AKAP13: variants seen among roughly 807,000 people sequenced by gnomAD.
The protein encoded by AKAP13 is A-kinase anchoring protein 13, also known as A-kinase anchor protein 13.
In AKAP13, 80 loss-of-function variants were observed where a neutral mutation model predicts 264.5. The ratio of observed to expected loss-of-function variants is 0.30; its 90% CI spans 0.25 to 0.36. The LOEUF (loss-of-function observed/expected upper bound fraction) is 0.36. Ranked by LOEUF, AKAP13 falls within the 10% of genes least tolerant of loss-of-function variation. The pLI, the probability that AKAP13 is intolerant of heterozygous loss-of-function variation, is 1.00. For synonymous variants in AKAP13, 1,380 were observed against 1,250.2 expected, an observed-to-expected ratio of 1.10 and a Z score of -2.19; for missense variants, 3,712 against 3,435.2, an observed-to-expected ratio of 1.08 and a Z score of -2.01.
intron 2 of AKAP13, among the ~76,000 whole-genome samples, chr15:85,499,115 A>C (rs1249369208): frequency 6.6e-6 from 1 of 152,232 alleles, no homozygotes; most frequent in Non-Finnish European, 1.5e-5. Context: ...TTATTTCAGA[A>C]GGACAGATCT....
intron 4 of AKAP13, among the ~76,000 whole-genome samples, chr15:85,541,054 T>C (rs1391957951): frequency 6.6e-6 from 1 of 152,202 alleles, no homozygotes; most frequent in East Asian, 1.9e-4. Context: ...AACTGGAAAG[T>C]GGCACAAAAG....
At chr15:85,409,092 TTTTATGTGGTTA>T (rs1281805068) in intron 1 of AKAP13, among the ~76,000 whole-genome samples, 3 of 151,840 alleles carry the variant, frequency 2.0e-5, no homozygotes, top group African/African-American at 7.3e-5. Context: ...GTGAGCATCT[TTTTATGTGGTTA>T]TTGGCTATTT....
chr15:85,386,184 G>GT (rs1409653320), intron 1 of AKAP13, among the ~76,000 whole-genome samples: 1 of 151,716 alleles, frequency 6.6e-6, no homozygotes, highest in Non-Finnish European at 1.5e-5. Context: ...GATATCCAGT[G>GT]TTTTTTTGTT....
rs2076823375 is a variant in AKAP13, at chr15:85,521,573, C to T, written c.179C>T (p.Pro60Leu). 4 of 1,613,724 alleles carry T rather than the reference C, an allele frequency of 2.5e-6. No individual in the cohort carries two copies. Among genetic ancestry groups the T allele is most frequent in the African/African-American group, 1.3e-5 (1 of 75,032 alleles). Residue 60 changes from proline to leucine, a missense_variant and splice_region_variant, in exon 3 of 37, where the codon CCT (proline) becomes CTT (leucine). By Grantham distance (98) the Pro-to-Leu change is moderately conservative. This residue lies in a region of AKAP13 where 2,759 missense variants were observed against 2,411.7 expected (regional missense o/e 1.14). Transcript: ENST00000394518. ...TCTGATACATTGGAGACCATTGCTC[C>T]TGGTAAGTATTTGAATGGGATCCTT... ...VSSDTLETIA[P>L]GHDCCETVKV... is the part of the protein sequence containing the mutation.
At chr15:85,739,316 C>G (rs1471930269) in intron 33 of AKAP13, among the ~76,000 whole-genome samples, 1 of 151,996 alleles carries the variant, frequency 6.6e-6, no homozygotes, top group Non-Finnish European at 1.5e-5. Context: ...AGTTTTTGTT[C>G]GTTTGATAAG....
chr15:85,516,561 T>C (rs945078292), intron 2 of AKAP13, among the ~76,000 whole-genome samples: 2 of 152,212 alleles, frequency 1.3e-5, no homozygotes, highest in Non-Finnish European at 2.9e-5. Context: ...TTTTGTCTTA[T>C]AGCAAGACCT....
intron 30 of AKAP13, among the ~76,000 whole-genome samples, chr15:85,733,456 T>C (rs148709994): frequency 6.6e-6 from 1 of 152,342 alleles, no homozygotes; most frequent in Non-Finnish European, 1.5e-5. Context: ...CCTAGGTTGA[T>C]GCTGTCAGGT....
At chr15:85,415,335 A>C in intron 1 of AKAP13, 1 of 1,577,940 alleles carries the variant, frequency 6.3e-7, no homozygotes, top group Non-Finnish European at 8.7e-7. Flanking sequence ...AAAAATGGAC[A>C]CAATAGCCAA....
chr15:85,603,829 C>G (rs753691368), intron 8 of AKAP13, among the ~76,000 whole-genome samples: 1 of 152,212 alleles, frequency 6.6e-6, no homozygotes, highest in Non-Finnish European at 1.5e-5. Context: ...TCTCAGGCCT[C>G]CTGTTATACT....
At chr15:85,496,202 C>T (rs971966862) in intron 2 of AKAP13, among the ~76,000 whole-genome samples, 4 of 152,016 alleles carry the variant, frequency 2.6e-5, no homozygotes, top group African/African-American at 9.7e-5. Flanking sequence ...TCCTTTTTTC[C>T]CTCAAAAGCC....
intron 2 of AKAP13, among the ~76,000 whole-genome samples, chr15:85,495,307 T>A (rs2075840729): frequency 6.6e-6 from 1 of 152,136 alleles, no homozygotes; most frequent in African/African-American, 2.4e-5. Flanking sequence ...TCGGTGGGCA[T>A]TGGACCCTTG....
chr15:85,629,606 C>T (rs1399149932), intron 8 of AKAP13, among the ~76,000 whole-genome samples: 3 of 152,124 alleles, frequency 2.0e-5, no homozygotes, highest in South Asian at 2.1e-4. Context: ...AGTTCATCTA[C>T]ATGTATGCTC....
At chr15:85,453,027 A>G (rs1272375776) in intron 1 of AKAP13, among the ~76,000 whole-genome samples, 1 of 152,168 alleles carries the variant, frequency 6.6e-6, no homozygotes, top group East Asian at 1.9e-4. Context: ...TGCGGGCCCA[A>G]GCCAGGGGTT....
chr15:85,547,349 A>G (rs2077787847), intron 5 of AKAP13, among the ~76,000 whole-genome samples: 2 of 149,556 alleles, frequency 1.3e-5, no homozygotes, highest in South Asian at 4.1e-4. Context: ...TGTGCTGGTT[A>G]GGGCCCAAGT....
intron 3 of AKAP13, among the ~76,000 whole-genome samples, chr15:85,531,044 A>ACT (rs2077226327): frequency 6.6e-6 from 1 of 152,064 alleles, no homozygotes; most frequent in African/African-American, 2.4e-5. Context: ...TATTTTTAGT[A>ACT]CAGACAGAGT....
At chr15:85,522,857 A>C (rs372685599) in intron 3 of AKAP13, among the ~76,000 whole-genome samples, 2 of 151,732 alleles carry the variant, frequency 1.3e-5, no homozygotes, top group East Asian at 3.9e-4. Flanking sequence ...CTCTCCTCTT[A>C]GCCACATTTC....
At chr15:85,572,779 C>T (rs2078866221) in intron 5 of AKAP13, among the ~76,000 whole-genome samples, 1 of 152,180 alleles carries the variant, frequency 6.6e-6, no homozygotes, top group Non-Finnish European at 1.5e-5. Context: ...ATCAACCCAT[C>T]ATCTACGTTA....
intron 20 of AKAP13, among the ~76,000 whole-genome samples, chr15:85,716,640 A>G (rs1235057452): frequency 6.6e-6 from 1 of 152,214 alleles, no homozygotes; most frequent in Admixed American, 6.5e-5. Context: ...TTTGTTTGTA[A>G]TTCCTAACCT....
intron 1 of AKAP13, among the ~76,000 whole-genome samples, chr15:85,445,062 T>C (rs980295362): frequency 6.6e-6 from 1 of 152,220 alleles, no homozygotes; most frequent in African/African-American, 2.4e-5. Context: ...TTCCATATGC[T>C]TATTCAGTCA....
Sources: gnomAD v4.1 joint callset for allele counts (sites outside exome capture counted in the v4.1 genomes callset) on GRCh38, gnomAD v4.1.1 for gene constraint, gnomAD v4.1.1 regional missense constraint, MANE v1.5 for transcripts, NCBI Gene and HGNC (gene_info 2026-07-23, HGNC 2026-07-21) for gene names.